The following ITPKB variants were observed in gnomAD, a reference collection of about 807,000 sequenced individuals.
The protein encoded by ITPKB is inositol-trisphosphate 3-kinase B.
ITPKB carries 13 observed loss-of-function variants against 69.4 expected under a neutral mutation model. The ratio of observed to expected loss-of-function variants is 0.19; its 90% CI spans 0.12 to 0.30. ITPKB has a LOEUF of 0.30. Ranked by LOEUF, ITPKB falls within the 10% of genes least tolerant of loss-of-function variation. The probability of loss-of-function intolerance (pLI) is 1.00; values close to 1 mark genes in which losing one functional copy is unlikely to be tolerated. For missense variants in ITPKB, 1,240 were observed against 1,250.5 expected (o/e 0.99, Z 0.13); for synonymous variants, 584 against 513.7 (o/e 1.14, Z -1.85).
rs748990427 is a variant in ITPKB at position 226,654,582 on chromosome 1, T to G, written c.1933-5811A>C. On this transcript the variant is annotated intron_variant, in intron 2 of 7. Coordinates refer to ENST00000429204, the MANE Select transcript of ITPKB (RefSeq NM_002221.4). ...AACAGACCCAGGGTTCTGTGGCAGG[T>G]GGGTGTGGAGCCTTCCTGGGCAAGC... Among the ~76,000 whole-genome samples the G allele has an allele frequency of 4.8e-3, 738 of 152,206 alleles. 6 individuals are homozygous for G. Among genetic ancestry groups the G allele is most frequent in the African/African-American group, 0.016 (653 of 41,526 alleles).
At chr1:226,662,893 C>A (rs991432493) in intron 2 of ITPKB, among the ~76,000 whole-genome samples, 4 of 152,228 alleles carry the variant, frequency 2.6e-5, no homozygotes, top group Non-Finnish European at 5.9e-5. Context: ...CAGCCCTGCC[C>A]CAGCAGTGGC....
At chr1:226,672,898 T>C (rs1290041692) in intron 2 of ITPKB, among the ~76,000 whole-genome samples, 2 of 152,136 alleles carry the variant, frequency 1.3e-5, no homozygotes, top group Non-Finnish European at 2.9e-5. Flanking sequence ...AGGAAGAAGG[T>C]CCCAGGTGGA....
At chr1:226,658,467 C>T (rs1486653584) in intron 2 of ITPKB, among the ~76,000 whole-genome samples, 1 of 152,206 alleles carries the variant, frequency 6.6e-6, no homozygotes, top group Non-Finnish European at 1.5e-5. Context: ...AAAACCAAGA[C>T]ACCAAGGATC....
At chr1:226,707,286 C>T in intron 2 of ITPKB, 1 of 211,076 alleles carries the variant, frequency 4.7e-6, no homozygotes. Flanking sequence ...ACCTCCGCCT[C>T]TCAGGTTCAA....
chr1:226,655,964 G>A (rs1379351512), intron 2 of ITPKB, among the ~76,000 whole-genome samples: 1 of 152,194 alleles, frequency 6.6e-6, no homozygotes, highest in Non-Finnish European at 1.5e-5. Flanking sequence ...GGCCTGTGGA[G>A]TTCTGCAGGC....
At chr1:226,646,576 G>A (rs1448934718) in intron 4 of ITPKB, among the ~76,000 whole-genome samples, 1 of 152,142 alleles carries the variant, frequency 6.6e-6, no homozygotes, top group Non-Finnish European at 1.5e-5. Flanking sequence ...CCTGCACACA[G>A]GCCCAGTGAC....
At chr1:226,702,003 G>A (rs1167495989) in intron 2 of ITPKB, among the ~76,000 whole-genome samples, 1 of 152,162 alleles carries the variant, frequency 6.6e-6, no homozygotes, top group Non-Finnish European at 1.5e-5. Context: ...AGAAAAGGCA[G>A]GAAATGCTTG....
chr1:226,660,010 T>C (rs866298738), intron 2 of ITPKB, among the ~76,000 whole-genome samples: 1 of 152,228 alleles, frequency 6.6e-6, no homozygotes, highest in Non-Finnish European at 1.5e-5. Context: ...CACCTGGATT[T>C]TTCTAGAGAC....
intron 2 of ITPKB, among the ~76,000 whole-genome samples, chr1:226,705,590 C>T (rs1656781009): frequency 6.6e-6 from 1 of 151,940 alleles, no homozygotes; most frequent in Non-Finnish European, 1.5e-5. Flanking sequence ...CCCCAAGCTT[C>T]CTGGGTCAAA....
At chr1:226,694,270 G>A (rs1022386816) in intron 2 of ITPKB, among the ~76,000 whole-genome samples, 7 of 152,196 alleles carry the variant, frequency 4.6e-5, no homozygotes, top group African/African-American at 1.7e-4. Context: ...AAAAATCTGT[G>A]TCAAAGTATG....
At chr1:226,650,610 G>A (rs1453657739) in intron 2 of ITPKB, among the ~76,000 whole-genome samples, 1 of 152,262 alleles carries the variant, frequency 6.6e-6, no homozygotes, top group Non-Finnish European at 1.5e-5. Flanking sequence ...TCAGGGGGAA[G>A]CCATTACGGT....
chr1:226,707,916 C>T (rs760464522), intron 2 of ITPKB: 2 of 1,331,790 alleles, frequency 1.5e-6, no homozygotes, highest in South Asian at 1.2e-5. Context: ...CAAGAAGTCA[C>T]TAAAGGGAGA....
Position 226,720,235 on chromosome 1 carries a change from C to T in ITPKB, c.1932+15292G>A, listed in dbSNP as rs1469706419. On this transcript the variant is annotated intron_variant, in intron 2 of 7. Transcript: ENST00000429204. ...GAACACACTCTCTTTCCCCCGGGGT[C>T]CAGTATTTCCACGGCAACAACCAAT... is the stretch of plus-strand genomic sequence containing the variant. 2.0e-5 allele frequency among the ~76,000 whole-genome samples: 3 copies of T among 152,224 alleles called. No individual in the cohort carries two copies. The East Asian group carries it at 5.8e-4, about 29-fold the overall frequency.
intron 2 of ITPKB, among the ~76,000 whole-genome samples, chr1:226,649,890 G>C (rs753468872): frequency 4.0e-5 from 6 of 151,650 alleles, no homozygotes; most frequent in South Asian, 2.1e-4. Context: ...ATATCCTTAA[G>C]TGAACTTTAA....
chr1:226,724,804 T>C (rs756326256), intron 2 of ITPKB, among the ~76,000 whole-genome samples: 1 of 152,198 alleles, frequency 6.6e-6, no homozygotes, highest in South Asian at 2.1e-4. Flanking sequence ...CCCGAGAGCA[T>C]AGCAACAGTG....
At chr1:226,725,721 C>CT (rs1226829025) in intron 2 of ITPKB, among the ~76,000 whole-genome samples, 2 of 152,204 alleles carry the variant, frequency 1.3e-5, no homozygotes, top group African/African-American at 4.8e-5. Context: ...TGCATGCCCA[C>CT]TGACGAATGG....
intron 3 of ITPKB, 131 bp downstream of exon 3, chr1:226,648,541 G>A (rs1669108230): frequency 1.4e-6 from 1 of 693,840 alleles, no homozygotes; most frequent in South Asian, 1.6e-5. Flanking sequence ...TGCAAGTGTG[G>A]CTGTGATTTC....
chr1:226,724,123 C>A (rs1458383791), intron 2 of ITPKB, among the ~76,000 whole-genome samples: 1 of 152,116 alleles, frequency 6.6e-6, no homozygotes, highest in Non-Finnish European at 1.5e-5. Context: ...CTGAGAGAGG[C>A]TCATTATCCT....
intron 2 of ITPKB, among the ~76,000 whole-genome samples, chr1:226,713,804 G>A (rs1404712602): frequency 6.6e-6 from 1 of 152,100 alleles, no homozygotes; most frequent in Non-Finnish European, 1.5e-5. Flanking sequence ...ATAACAATCA[G>A]TGTCCTGAAC....
Sources: allele counts gnomAD v4.1 joint callset (sites outside exome capture counted in the v4.1 genomes callset), GRCh38; gene constraint gnomAD v4.1.1; transcripts MANE v1.5; gene names NCBI Gene and HGNC (gene_info 2026-07-23, HGNC 2026-07-21).